The following AGPAT5 variants were observed in gnomAD, a reference collection of about 807,000 sequenced individuals.
AGPAT5 encodes the protein 1-acylglycerol-3-phosphate O-acyltransferase 5.
A neutral mutation model predicts 45.6 loss-of-function variants in AGPAT5; 46 were observed. That is an observed-to-expected ratio of 1.01 (90% CI 0.80 to 1.29). The LOEUF is 1.29. Ranked by LOEUF, AGPAT5 falls within the 50% of genes most tolerant of loss-of-function variation. The pLI is 0.00. For synonymous variants in AGPAT5, 272 were observed against 167.0 expected, an observed-to-expected ratio of 1.63 and a Z score of -4.85; for missense variants, 673 against 450.7, an observed-to-expected ratio of 1.49 and a Z score of -4.47.
At chr8:6,710,753 G>T (rs992713785) in intron 1 of AGPAT5, among the ~76,000 whole-genome samples, 1 of 152,084 alleles carries the variant, frequency 6.6e-6, no homozygotes. Flanking sequence ...AATCAATAGA[G>T]GAATAAATAG....
intron 1 of AGPAT5, among the ~76,000 whole-genome samples, chr8:6,723,461 C>G (rs887752823): frequency 1.3e-5 from 2 of 152,094 alleles, no homozygotes; most frequent in African/African-American, 4.8e-5. Flanking sequence ...CCCGCCCGCC[C>G]ACTCCACCTC....
chr8:6,730,879 T>TC (rs1159999619), intron 3 of AGPAT5, 53 bp downstream of exon 3: 2 of 1,321,408 alleles, frequency 1.5e-6, no homozygotes, highest in Non-Finnish European at 2.1e-6. Context: ...AAATTTTTTT[T>TC]TTTTTTTTTG....
intron 2 of AGPAT5, among the ~76,000 whole-genome samples, chr8:6,728,699 A>G (rs1800769839): frequency 6.6e-6 from 1 of 152,234 alleles, no homozygotes; most frequent in African/African-American, 2.4e-5. Context: ...TATATTTCCA[A>G]GATGTGCTGT....
chr8:6,736,059 G>A (rs1228165840), intron 4 of AGPAT5, among the ~76,000 whole-genome samples: 1 of 151,872 alleles, frequency 6.6e-6, no homozygotes, highest in Non-Finnish European at 1.5e-5. Context: ...TCACCATGTT[G>A]GCCAGGCTGG....
chr8:6,750,992 G>A (rs888621245), intron 6 of AGPAT5, among the ~76,000 whole-genome samples: 6 of 152,016 alleles, frequency 3.9e-5, no homozygotes, highest in South Asian at 2.1e-4. Context: ...TTTCCTTCTA[G>A]TGTGTTGCTT....
chr8:6,713,513 G>T (rs1800222164), intron 1 of AGPAT5, among the ~76,000 whole-genome samples: 1 of 152,158 alleles, frequency 6.6e-6, no homozygotes, highest in East Asian at 1.9e-4. Context: ...AAGAATTTAA[G>T]ATTTTGACAT....
At chr8:6,713,003 G>GT (rs1231422896) in intron 1 of AGPAT5, among the ~76,000 whole-genome samples, 4 of 152,118 alleles carry the variant, frequency 2.6e-5, no homozygotes, top group African/African-American at 9.7e-5. Flanking sequence ...TGGGGTTTGG[G>GT]TTTTTTTGAG....
intron 1 of AGPAT5, among the ~76,000 whole-genome samples, chr8:6,718,477 CA>C (rs1433543578): frequency 1.3e-5 from 2 of 149,692 alleles, no homozygotes; most frequent in Admixed American, 1.3e-4. Flanking sequence ...AGACAGACAG[CA>C]TACAGAGGCT....
chr8:6,716,557 A>G (rs1243563041), intron 1 of AGPAT5, among the ~76,000 whole-genome samples: 1 of 152,078 alleles, frequency 6.6e-6, no homozygotes, highest in Non-Finnish European at 1.5e-5. Flanking sequence ...TAAAAGGGCC[A>G]GGTGCGGAGG....
rs184609661 is a variant in AGPAT5, at chr8:6,759,307, C to T, written c.*1919C>T. 1 of 152,260 alleles carries T rather than the reference C, an allele frequency of 6.6e-6. No homozygotes were observed. Among genetic ancestry groups the T allele is most frequent in the African/African-American group, 2.4e-5 (1 of 41,558 alleles). The allele number at this position is 152,260 out of a possible 1,614,324, so 9.4% of individuals were successfully genotyped here. On this transcript the variant is annotated 3_prime_UTR_variant, in exon 8 of 8. Transcript: ENST00000285518. ...AACTCATTTTAACAAGGTAGCCTGACCTGCATAAGATCACTTGAATGTTAG... is the reference window on the plus strand; with the variant it reads ...AACTCATTTTAACAAGGTAGCCTGATCTGCATAAGATCACTTGAATGTTAG...
At chr8:6,721,321 C>G (rs566608966) in intron 1 of AGPAT5, among the ~76,000 whole-genome samples, 1 of 152,126 alleles carries the variant, frequency 6.6e-6, no homozygotes, top group Admixed American at 6.5e-5. Context: ...AATTGAAATT[C>G]TTTATAGCTG....
At chr8:6,713,720 A>AC (rs1563280787) in intron 1 of AGPAT5, among the ~76,000 whole-genome samples, 1 of 150,320 alleles carries the variant, frequency 6.7e-6, no homozygotes, top group East Asian at 2.0e-4. Context: ...TGCCCAGCTA[A>AC]TTTTTTTTTT....
chr8:6,724,328 A>G (rs974566748), intron 1 of AGPAT5, among the ~76,000 whole-genome samples: 2 of 152,164 alleles, frequency 1.3e-5, no homozygotes, highest in Non-Finnish European at 2.9e-5. Context: ...TCTTATTCTC[A>G]TGAACATTTT....
chr8:6,726,255 C>T (rs1008808702), intron 2 of AGPAT5, among the ~76,000 whole-genome samples: 1 of 152,190 alleles, frequency 6.6e-6, no homozygotes, highest in African/African-American at 2.4e-5. Flanking sequence ...GATGTTTCTT[C>T]CAGGTTTTAA....
At chr8:6,717,876 A>T (rs975235484) in intron 1 of AGPAT5, among the ~76,000 whole-genome samples, 1 of 152,198 alleles carries the variant, frequency 6.6e-6, no homozygotes, top group Non-Finnish European at 1.5e-5. Flanking sequence ...TTCTCACTTG[A>T]CATTTTTTAT....
At chr8:6,711,771 G>T (rs1186706948) in intron 1 of AGPAT5, among the ~76,000 whole-genome samples, 1 of 152,162 alleles carries the variant, frequency 6.6e-6, no homozygotes, top group Admixed American at 6.5e-5. Flanking sequence ...TCTGGTGACT[G>T]GTGGCATTCC....
chr8:6,710,204 T>C (rs984002209), intron 1 of AGPAT5, among the ~76,000 whole-genome samples: 23 of 152,200 alleles, frequency 1.5e-4, no homozygotes, highest in African/African-American at 3.6e-4. Flanking sequence ...GAATACACCA[T>C]TGAAGGATTT....
intron 4 of AGPAT5, among the ~76,000 whole-genome samples, chr8:6,733,561 C>T (rs376360530): frequency 2.0e-5 from 3 of 152,150 alleles, no homozygotes; most frequent in Non-Finnish European, 4.4e-5. Context: ...ACCCTTTATC[C>T]TGTTATAGCT....
chr8:6,727,212 C>G lies in AGPAT5; in HGVS notation c.289+2273C>G, dbSNP rs190121913. On this transcript the variant is annotated intron_variant, in intron 2 of 7. Transcript: ENST00000285518. ...TAAATGAGTTTCCTGGCCTGATACT[C>G]AAAAGAATTGACATTTAAATTAGTC... Among the ~76,000 whole-genome samples, 34 of 152,286 alleles carry G rather than the reference C, an allele frequency of 2.2e-4. No individual in the cohort carries two copies. In the East Asian group the frequency reaches 6.2e-3, roughly 28 times the overall value.
Sources: gnomAD v4.1 joint callset for allele counts (sites outside exome capture counted in the v4.1 genomes callset) on GRCh38, gnomAD v4.1.1 for gene constraint, MANE v1.5 for transcripts, NCBI Gene and HGNC (gene_info 2026-07-23, HGNC 2026-07-21) for gene names.